The following SPCS3 variants were observed in gnomAD, a reference collection of about 807,000 sequenced individuals.
SPCS3 encodes SPase 22 kDa subunit.
In SPCS3, 9 loss-of-function variants were observed where a neutral mutation model predicts 17.2. The observed-to-expected ratio is 0.52, with a 90% confidence interval of 0.31 to 0.91. The LOEUF (loss-of-function observed/expected upper bound fraction) is 0.91. Among genes scored for constraint, SPCS3 ranks in the 40% least tolerant of loss-of-function variants. The pLI, the probability that SPCS3 is intolerant of heterozygous loss-of-function variation, is 0.04. For missense variants in SPCS3, 139 were observed against 217.5 expected, an observed-to-expected ratio of 0.64 and a Z score of 2.27; for synonymous variants, 87 against 89.6, an observed-to-expected ratio of 0.97 and a Z score of 0.16.
rs141524869 is a variant in SPCS3 at position 176,322,837 on chromosome 4, A to C, written c.217+594A>C. ...TATTTTCTCTTGAGATTGAGTTTCT[A>C]TCTTTTGACAACTCTGATCATTTTG... On this transcript the variant is annotated intron_variant, in intron 2 of 4. Transcript: ENST00000503362. Among the ~76,000 whole-genome samples the C allele has an allele frequency of 9.0e-4, 137 of 152,186 alleles. 1 individual carries two copies. Among genetic ancestry groups the C allele is most frequent in the African/African-American group, 3.2e-3 (131 of 41,540 alleles).
At chr4:176,326,439 A>C (rs1024307236) in intron 3 of SPCS3, among the ~76,000 whole-genome samples, 1 of 152,174 alleles carries the variant, frequency 6.6e-6, no homozygotes, top group East Asian at 1.9e-4. Context: ...AGTGGCCACA[A>C]ATTTTTTTTA....
rs557472263 is a variant in SPCS3 at position 176,320,038 on chromosome 4, G to C, written c.-39G>C. 6.7e-7 allele frequency: 1 copy of C among 1,485,696 alleles called. No homozygotes were observed. Among genetic ancestry groups the C allele is most frequent in the Non-Finnish European group, 9.0e-7 (1 of 1,105,086 alleles). 92.0% of individuals were successfully genotyped at this position (1,485,696 alleles called of 1,614,324 possible). On this transcript the variant is annotated 5_prime_UTR_variant, in exon 1 of 5. Coordinates refer to ENST00000503362, the MANE Select transcript of SPCS3 (RefSeq NM_021928.4). ...GTCCGCCGCCGGAACGGGAGCCTGG[G>C]TGTGCGTGTGGAGTCCGGACTCGTG... is the stretch of plus-strand genomic sequence containing the variant.
chr4:176,328,442 T>TTC lies in SPCS3; in HGVS notation c.*113_*114insCT, dbSNP rs1731638438. 1.6e-6 allele frequency: 1 copy of TTC among 608,502 alleles called. No homozygotes were observed. Among genetic ancestry groups the TTC allele is most frequent in the African/African-American group, 2.1e-5 (1 of 48,262 alleles). The allele number at this position is 608,502 out of a possible 1,614,324, so 37.7% of individuals were successfully genotyped here. Reference sequence around the variant, plus strand: ...GTTTGTTTTTTGGTTTTGGGTTTTTTTTTTTTTTTTTTTGGTATAAGAACT... The same window carrying TTC: ...GTTTGTTTTTTGGTTTTGGGTTTTTTTCTTTTTTTTTTTTTGGTATAAGAACT... On this transcript the variant is annotated 3_prime_UTR_variant, in exon 5 of 5. Coordinates refer to ENST00000503362, the MANE Select transcript of SPCS3 (RefSeq NM_021928.4).
chr4:176,324,868 T>C (rs1731583307), intron 3 of SPCS3, among the ~76,000 whole-genome samples: 1 of 152,066 alleles, frequency 6.6e-6, no homozygotes, highest in African/African-American at 2.4e-5. Flanking sequence ...AGCTGCTGTG[T>C]CACACTGAAG....
Position 176,329,533 on chromosome 4 carries a change from A to C in SPCS3, c.*1203A>C, listed in dbSNP as rs939613317. On this transcript the variant is annotated 3_prime_UTR_variant, in exon 5 of 5. Transcript: ENST00000503362. ...TTTCCCATTTTATATGGAAGTGACT[A>C]ATTTTCAAGCTGCCAACAACTTATA... 3.9e-5 allele frequency: 6 copies of C among 152,182 alleles called. No homozygotes were observed. Among genetic ancestry groups the C allele is most frequent in the African/African-American group, 1.4e-4 (6 of 41,452 alleles). The allele number at this position is 152,182 out of a possible 1,614,324, so 9.4% of individuals were successfully genotyped here. A position where few individuals can be genotyped will look rare whatever the true frequency, so the allele number is the denominator to read the frequency against.
Position 176,328,400 on chromosome 4 carries a change from A to C in SPCS3, c.*70A>C. ...GTATCTCATTAATCTCTTCCCTTAC[A>C]TCTTCATGTATTGTTGGTTTGTTTT... On this transcript the variant is annotated 3_prime_UTR_variant, in exon 5 of 5. Transcript: ENST00000503362. 6 of 1,206,266 alleles carry C rather than the reference A, an allele frequency of 5.0e-6. No individual in the cohort carries two copies. The highest frequency in any genetic ancestry group is 3.1e-5 in the East Asian group (1 of 32,230). 74.7% of individuals were successfully genotyped at this position (1,206,266 alleles called of 1,614,324 possible). A position where few individuals can be genotyped will look rare whatever the true frequency, so the allele number is the denominator to read the frequency against.
intron 3 of SPCS3, among the ~76,000 whole-genome samples, chr4:176,324,858 A>G (rs1731583197): frequency 6.6e-6 from 1 of 152,138 alleles, no homozygotes; most frequent in Admixed American, 6.5e-5. Context: ...TCCTCTTCTG[A>G]GCTGCTGTGT....
At chr4:176,323,321 T>C (rs1386346910) in intron 2 of SPCS3, among the ~76,000 whole-genome samples, 1 of 152,118 alleles carries the variant, frequency 6.6e-6, no homozygotes, top group African/African-American at 2.4e-5. Flanking sequence ...ATCTATGGTA[T>C]TTATATATTA....
At position 176,329,851 on chromosome 4, in the gene SPCS3, T is replaced by TA. The variant is rs1339253599; in HGVS notation, c.*1522dup. 10 of 152,192 alleles carry TA rather than the reference T, an allele frequency of 6.6e-5. No individual in the cohort carries two copies. The highest frequency in any genetic ancestry group is 5.9e-4 in the Admixed American group (9 of 15,280). 9.4% of individuals were successfully genotyped at this position (152,192 alleles called of 1,614,324 possible). On this transcript the variant is annotated 3_prime_UTR_variant, in exon 5 of 5. Coordinates refer to ENST00000503362, the MANE Select transcript of SPCS3 (RefSeq NM_021928.4). ...AATAGTTTAAATTACAGACATTTGT[T>TA]ATATTTACCTTATGTGAAATACATC...
rs1467362813 is a variant in SPCS3, at chr4:176,320,019, C to A, written c.-58C>A. The A allele has an allele frequency of 7.0e-7, 1 of 1,438,278 alleles. No homozygotes were observed. The allele number at this position is 1,438,278 out of a possible 1,614,324, so 89.1% of individuals were successfully genotyped here. The stretch of plus-strand genomic sequence containing the variant: ...CGCGGATCGCAGGGAGCCGGTCCGC[C>A]GCCGGAACGGGAGCCTGGGTGTGCG... On this transcript the variant is annotated 5_prime_UTR_variant, in exon 1 of 5. Coordinates refer to ENST00000503362, the MANE Select transcript of SPCS3 (RefSeq NM_021928.4).
At chr4:176,326,707 A>G (rs1048086130) in intron 3 of SPCS3, among the ~76,000 whole-genome samples, 2 of 152,216 alleles carry the variant, frequency 1.3e-5, no homozygotes, top group Non-Finnish European at 2.9e-5. Flanking sequence ...CTGTATTAGC[A>G]GTGTGATGGA....
Position 176,330,236 on chromosome 4 carries a change from C to T in SPCS3, c.*1906C>T, listed in dbSNP as rs761150316. 1.2e-4 allele frequency: 18 copies of T among 152,136 alleles called. No homozygotes were observed. Among genetic ancestry groups the T allele is most frequent in the Admixed American group, 4.6e-4 (7 of 15,280 alleles). The allele number at this position is 152,136 out of a possible 1,614,324, so 9.4% of individuals were successfully genotyped here. A position where few individuals can be genotyped will look rare whatever the true frequency, so the allele number is the denominator to read the frequency against. ...TACTTTATTTCTGTTAGATTTTACA[C>T]TCTGAAAATTTCACCTCATTTAGTT... On this transcript the variant is annotated 3_prime_UTR_variant, in exon 5 of 5. Coordinates refer to ENST00000503362, the MANE Select transcript of SPCS3 (RefSeq NM_021928.4).
Position 176,331,639 on chromosome 4 carries a change from A to G in SPCS3, c.*3309A>G, listed in dbSNP as rs1731688858. 2 of 152,146 alleles carry G rather than the reference A, an allele frequency of 1.3e-5. No homozygotes were observed. Among genetic ancestry groups the G allele is most frequent in the Non-Finnish European group, 2.9e-5 (2 of 68,050 alleles). The allele number at this position is 152,146 out of a possible 1,614,324, so 9.4% of individuals were successfully genotyped here. On this transcript the variant is annotated 3_prime_UTR_variant, in exon 5 of 5. Coordinates refer to ENST00000503362, the MANE Select transcript of SPCS3 (RefSeq NM_021928.4). ...AGATCTGCTCTTACGCCCAGGCTAG[A>G]GTGAAGTGGCGCGATCTTGGCTTAC... is the stretch of plus-strand genomic sequence containing the variant.
At position 176,329,702 on chromosome 4, in the gene SPCS3, T is replaced by A. The variant is rs988839112; in HGVS notation, c.*1372T>A. The stretch of plus-strand genomic sequence containing the variant: ...TGATCGTATTTAACATGTTTTTTTT[T>A]TCTGCAGTGGACAAATAAACATCCT... On this transcript the variant is annotated 3_prime_UTR_variant, in exon 5 of 5. Coordinates refer to ENST00000503362, the MANE Select transcript of SPCS3 (RefSeq NM_021928.4). The A allele has an allele frequency of 1.2e-4, 19 of 152,276 alleles. No individual in the cohort carries two copies. The highest frequency in any genetic ancestry group is 4.3e-4 in the African/African-American group (18 of 41,570). The allele number at this position is 152,276 out of a possible 1,614,324, so 9.4% of individuals were successfully genotyped here.
rs567942397 is a variant in SPCS3, at chr4:176,329,937, C to G, written c.*1607C>G. The G allele has an allele frequency of 3.9e-5, 6 of 152,116 alleles. No homozygotes were observed. In the South Asian group the frequency reaches 1.2e-3, roughly 32 times the overall value. The allele number at this position is 152,116 out of a possible 1,614,324, so 9.4% of individuals were successfully genotyped here. Reference sequence around the variant, plus strand: ...TGGAGTTGTATAGTTCATGCAAAAGCCTGTGGGTATGGGTTTTTCAAACCA... The same window carrying G: ...TGGAGTTGTATAGTTCATGCAAAAGGCTGTGGGTATGGGTTTTTCAAACCA... On this transcript the variant is annotated 3_prime_UTR_variant, in exon 5 of 5. Transcript: ENST00000503362.
rs1338998135 is a variant in SPCS3 at position 176,331,943 on chromosome 4, T to C, written c.*3613T>C. Reference sequence around the variant, plus strand: ...CAGCATTTTTTCTAATGAAAATGAATTTTGTTTACCAGTAAAAGTATGCAT... The same window carrying C: ...CAGCATTTTTTCTAATGAAAATGAACTTTGTTTACCAGTAAAAGTATGCAT... On this transcript the variant is annotated 3_prime_UTR_variant, in exon 5 of 5. Coordinates refer to ENST00000503362, the MANE Select transcript of SPCS3 (RefSeq NM_021928.4). 6.6e-6 allele frequency: 1 copy of C among 152,238 alleles called. No individual in the cohort carries two copies. Among genetic ancestry groups the C allele is most frequent in the Non-Finnish European group, 1.5e-5 (1 of 68,046 alleles). 9.4% of individuals were successfully genotyped at this position (152,238 alleles called of 1,614,324 possible).
At chr4:176,322,645 CAT>C (rs72282389) in intron 2 of SPCS3, among the ~76,000 whole-genome samples, 10,076 of 151,990 alleles carry the variant, frequency 0.066, 369 homozygotes, top group African/African-American at 0.09. Flanking sequence ...CAGAGAGAAA[CAT>C]ATGTTTAAAA....
intron 3 of SPCS3, chr4:176,326,806 T>C (rs1432523783): frequency 1.2e-5 from 2 of 162,940 alleles, no homozygotes; most frequent in East Asian, 3.7e-4. Context: ...GGAAAAGTGA[T>C]TTAAAAGAAT....
At chr4:176,320,564 C>CCGCCGCCCGCCTGGGCTGG (rs1731523010) in intron 1 of SPCS3, 1 of 157,182 alleles carries the variant, frequency 6.4e-6, no homozygotes, top group Non-Finnish European at 1.4e-5. Flanking sequence ...AGAGCCGGCG[C>CCGCCGCCCGCCTGGGCTGG]CGCCGCCCGC....
Sources: allele counts gnomAD v4.1 joint callset (sites outside exome capture counted in the v4.1 genomes callset), GRCh38; gene constraint gnomAD v4.1.1; transcripts MANE v1.5; gene names NCBI Gene and HGNC (gene_info 2026-07-23, HGNC 2026-07-21).